The following SOX30 variants were observed in gnomAD, a reference collection of about 807,000 sequenced individuals.
The protein encoded by SOX30 is transcription factor SOX-30.
Under a neutral mutation model 58.6 loss-of-function variants are expected in SOX30, and 17 were observed. The ratio of observed to expected loss-of-function variants is 0.29; its 90% confidence interval spans 0.20 to 0.44. SOX30 has a LOEUF of 0.44. SOX30 is among the 20% of genes least tolerant of loss of function. The probability of loss-of-function intolerance (pLI) is 1.00; values close to 1 mark genes in which losing one functional copy is unlikely to be tolerated. For synonymous variants in SOX30, 421 were observed against 400.2 expected (o/e 1.05, Z -0.62); for missense variants, 951 against 965.8 (o/e 0.98, Z 0.20).
intron 4 of SOX30, among the ~76,000 whole-genome samples, chr5:157,627,479 A>G (rs954896320): frequency 6.6e-6 from 1 of 152,210 alleles, no homozygotes; most frequent in African/African-American, 2.4e-5. Flanking sequence ...GGGGAAATGT[A>G]TAACTAGATT....
At chr5:157,630,091 G>A (rs189540231) in intron 4 of SOX30, among the ~76,000 whole-genome samples, 3 of 152,314 alleles carry the variant, frequency 2.0e-5, no homozygotes, top group African/African-American at 7.2e-5. Context: ...TGATTGGTAA[G>A]TCTTATAAGA....
intron 3 of SOX30, among the ~76,000 whole-genome samples, chr5:157,639,092 T>C (rs1157613053): frequency 1.3e-5 from 2 of 152,152 alleles, no homozygotes; most frequent in Non-Finnish European, 2.9e-5. Context: ...TTGATAGATA[T>C]ATTAAAAGAC....
At chr5:157,661,991 G>C (rs1403792127) in intron 2 of SOX30, among the ~76,000 whole-genome samples, 1 of 152,112 alleles carries the variant, frequency 6.6e-6, no homozygotes, top group African/African-American at 2.4e-5. Context: ...TTGCTTTGAA[G>C]AAGATTCTAA....
Position 157,638,426 on chromosome 5 carries a change from T to G in SOX30, c.1684A>C (p.Ile562Leu). The part of the protein sequence containing the change: ...TAHARFATST[I>L]QPPREYSSVS... ...CTGGAATACTCCCTAGGAGGTTGGA[T>G]GGTCGAAGTTGCAAATCTGGCATGG... Residue 562 changes from isoleucine (I) to leucine (L), a missense_variant, in exon 4 of 5, where the codon ATC (isoleucine) becomes CTC (leucine). Ile to Leu is a conservative substitution (Grantham distance 5). This residue lies in a region of SOX30 where 381 missense variants were observed against 390.0 expected (regional missense o/e 0.98). Coordinates refer to ENST00000265007, the MANE Select transcript of SOX30 (RefSeq NM_178424.2). 6.2e-7 allele frequency: 1 copy of G among 1,614,064 alleles called. No homozygotes were observed. Among genetic ancestry groups the G allele is most frequent in the South Asian group, 1.1e-5 (1 of 91,082 alleles).
chr5:157,666,493 A>G (rs1052566725), intron 2 of SOX30, among the ~76,000 whole-genome samples: 10 of 140,936 alleles, frequency 7.1e-5, no homozygotes, highest in African/African-American at 2.9e-4. Flanking sequence ...ACACACACAC[A>G]CACACACACA....
intron 1 of SOX30, among the ~76,000 whole-genome samples, chr5:157,650,084 A>G (rs1056685936): frequency 3.0e-4 from 46 of 152,288 alleles, no homozygotes; most frequent in African/African-American, 1.1e-3. Context: ...AAATTTCAAC[A>G]AAGGAAGTTA....
intron 2 of SOX30, 131 bp downstream of exon 2, chr5:157,648,526 A>G: frequency 2.6e-6 from 2 of 778,464 alleles, no homozygotes; most frequent in African/African-American, 1.7e-5. Flanking sequence ...TTATAATATT[A>G]GTCATTATTC....
At chr5:157,651,072 G>A in intron 1 of SOX30, 40 bp downstream of exon 1, 1 of 1,418,922 alleles carries the variant, frequency 7.0e-7, no homozygotes, top group Non-Finnish European at 9.5e-7. Context: ...GGGCAACACA[G>A]ACGCAGTTTT....
intron 4 of SOX30, among the ~76,000 whole-genome samples, chr5:157,633,882 T>A (rs1758866869): frequency 6.6e-6 from 1 of 152,178 alleles, no homozygotes; most frequent in East Asian, 1.9e-4. Flanking sequence ...TTTAAACACA[T>A]TTTTTACCCA....
At chr5:157,668,807 G>A (rs1374674417) in intron 1 of SOX30, among the ~76,000 whole-genome samples, 2 of 152,124 alleles carry the variant, frequency 1.3e-5, no homozygotes, top group East Asian at 3.9e-4. Flanking sequence ...TAGCTGTCTT[G>A]TGCAGATCGC....
chr5:157,628,039 G>A (rs6895071), intron 4 of SOX30, among the ~76,000 whole-genome samples: 35,269 of 151,528 alleles, frequency 0.23, 6,165 homozygotes, highest in African/African-American at 0.49. Flanking sequence ...CATTTGCTGG[G>A]CACAGTAGTG....
Position 157,626,421 on chromosome 5 carries a change from T to C in SOX30, c.2181A>G (p.Thr727=). Residue 727 remains threonine (T), a synonymous_variant, in exon 5 of 5, where the codon ACA becomes ACG. Coordinates refer to ENST00000265007, the MANE Select transcript of SOX30 (RefSeq NM_178424.2). ...GTLENVFTAP[T]STPSSIQQVN... ...CTTGCTGGATGCTAGAAGGAGTTGATGTCGGGGCTGTGAAGACATTCTCCA... is the reference window on the plus strand; with the variant it reads ...CTTGCTGGATGCTAGAAGGAGTTGACGTCGGGGCTGTGAAGACATTCTCCA... 6.2e-7 allele frequency: 1 copy of C among 1,614,228 alleles called. No homozygotes were observed. The highest frequency in any genetic ancestry group is 8.5e-7 in the Non-Finnish European group (1 of 1,180,040).
intron 4 of SOX30, among the ~76,000 whole-genome samples, chr5:157,631,715 A>T (rs1581388884): frequency 1.3e-5 from 2 of 151,426 alleles, no homozygotes; most frequent in Admixed American, 6.6e-5. Flanking sequence ...CAGTGAGCCA[A>T]GATCGTGCCA....
upstream of SOX30, among the ~76,000 whole-genome samples, chr5:157,652,632 A>G (rs1011318431): frequency 2.0e-5 from 3 of 152,216 alleles, no homozygotes; most frequent in Admixed American, 6.5e-5. Context: ...TCAATAACCT[A>G]TTAGCTAATG....
In SOX30 at chr5:157,626,262, G is replaced by GT; in HGVS notation, c.*77_*78insA. 13 of 1,268,630 alleles carry GT rather than the reference G, an allele frequency of 1.0e-5. No homozygotes were observed. In the African/African-American group the frequency reaches 1.8e-4, roughly 18 times the overall value. 78.6% of individuals were successfully genotyped at this position (1,268,630 alleles called of 1,614,324 possible). A position where few individuals can be genotyped will look rare whatever the true frequency, so the allele number is the denominator to read the frequency against. On this transcript the variant is annotated 3_prime_UTR_variant, in exon 5 of 5. Transcript: ENST00000265007. ...GAAAACTTTCAACAAAGAATTCTAG[G>GT]CTTTTTTTTTTCTCATACCAACTGA... is the stretch of plus-strand genomic sequence containing the variant.
intron 1 of SOX30, among the ~76,000 whole-genome samples, chr5:157,668,452 T>C (rs538567654): frequency 1.8e-4 from 28 of 152,096 alleles, no homozygotes; most frequent in African/African-American, 6.8e-4. Flanking sequence ...CTAAGAGTGA[T>C]CCCAAAGTTC....
chr5:157,654,026 C>T (rs536262721), upstream of SOX30, among the ~76,000 whole-genome samples: 25 of 152,136 alleles, frequency 1.6e-4, no homozygotes, highest in East Asian at 1.2e-3. Flanking sequence ...ATTAGTTGGG[C>T]ATGGTGGCAC....
chr5:157,667,945 T>G, intron 1 of SOX30: 4 of 1,341,944 alleles, frequency 3.0e-6, no homozygotes, highest in South Asian at 1.4e-5. Context: ...ACAACAACAC[T>G]TGTCAGGCAT....
chr5:157,639,971 A>G (rs890825066), intron 3 of SOX30, among the ~76,000 whole-genome samples: 1 of 152,192 alleles, frequency 6.6e-6, no homozygotes, highest in African/African-American at 2.4e-5. Context: ...GACCCAGTGA[A>G]GTAGAGAAAC....
Sources: gnomAD v4.1 joint callset for allele counts (sites outside exome capture counted in the v4.1 genomes callset) on GRCh38, gnomAD v4.1.1 for gene constraint, gnomAD v4.1.1 regional missense constraint, MANE v1.5 for transcripts, NCBI Gene and HGNC (gene_info 2026-07-23, HGNC 2026-07-21) for gene names.